ST6GALNAC6: variants seen among roughly 807,000 people sequenced by gnomAD.
ST6GALNAC6 encodes alpha-N-acetylgalactosaminide alpha-2,6-sialyltransferase 6.
ST6GALNAC6 carries 19 observed loss-of-function variants against 34.3 expected under a neutral mutation model. The ratio of observed to expected loss-of-function variants is 0.55; its 90% CI spans 0.39 to 0.81. The LOEUF is 0.81. Ranked by LOEUF, ST6GALNAC6 falls within the 40% of genes least tolerant of loss-of-function variation. ST6GALNAC6 has a pLI of 0.00. For synonymous variants in ST6GALNAC6, 185 were observed against 182.1 expected (o/e 1.02, Z -0.13); for missense variants, 377 against 467.7 (o/e 0.81, Z 1.79).
Position 127,896,257 on chromosome 9 carries a change from T to C in ST6GALNAC6, c.102A>G (p.Glu34=), listed in dbSNP as rs199750930. 15 of 1,614,118 alleles carry C rather than the reference T, an allele frequency of 9.3e-6. No individual in the cohort carries two copies. The highest frequency in any genetic ancestry group is 1.3e-5 in the African/African-American group (1 of 75,048). Residue 34 remains glutamate (E), a synonymous_variant, in exon 3 of 7, where the codon GAA becomes GAG. Transcript: ENST00000373146. The part of the protein sequence containing the change: ...RHLPLSRRRR[E]MSSNKEQRSA... ...GCAGACTTACTTTGTTGCTACTCAT[T>C]TCTCTCCGGCGTCTGCTGAGGGGTA...
chr9:127,899,469 CCCCGCGGCCTGCT>C (rs1749649333), intron 1 of ST6GALNAC6, 21 bp downstream of exon 1: 2 of 946,568 alleles, frequency 2.1e-6, no homozygotes, highest in Non-Finnish European at 2.5e-6. Context: ...CCGCCCCCGC[CCCCGCGGCCTGCT>C]CCCGCGCGGC....
In ST6GALNAC6 at chr9:127,885,445, C is replaced by G. The variant is rs1829703216; in HGVS notation, c.*1154G>C. 6.6e-6 allele frequency: 1 copy of G among 152,628 alleles called. No individual in the cohort carries two copies. Among genetic ancestry groups the G allele is most frequent in the Non-Finnish European group, 1.5e-5 (1 of 68,364 alleles). The allele number at this position is 152,628 out of a possible 1,614,324, so 9.5% of individuals were successfully genotyped here. Reference sequence around the variant, plus strand: ...GCTGGCCTCCTCCATCTGGTCCCTCCAGCCTCACAGCCTCCTCCTGAAGCC... The same window carrying G: ...GCTGGCCTCCTCCATCTGGTCCCTCGAGCCTCACAGCCTCCTCCTGAAGCC... On this transcript the variant is annotated 3_prime_UTR_variant, in exon 7 of 7. Transcript: ENST00000373146.
At chr9:127,900,232 G>A (rs940460207), upstream of ST6GALNAC6, among the ~76,000 whole-genome samples, 1 of 152,234 alleles carries the variant, frequency 6.6e-6, no homozygotes, top group South Asian at 2.1e-4. Flanking sequence ...TTAAGGCACA[G>A]CCTGCCGAAG....
At chr9:127,891,414 G>T (rs142767967) in intron 4 of ST6GALNAC6, among the ~76,000 whole-genome samples, 12 of 151,850 alleles carry the variant, frequency 7.9e-5, no homozygotes, top group African/African-American at 2.7e-4. Context: ...TCAGAAGTTC[G>T]AGACCAGCCT....
At position 127,894,630 on chromosome 9, in the gene ST6GALNAC6, CT is replaced by C; in HGVS notation, c.178del (p.Ser60AlafsTer50). The C allele has an allele frequency of 6.2e-7, 1 of 1,614,170 alleles. No individual in the cohort carries two copies. The highest frequency in any genetic ancestry group is 8.5e-7 in the Non-Finnish European group (1 of 1,180,026). ...GAAGACCTCATTGGCACTGTTGGAG[CT>C]GTAGAGGATGAGGATGGTGATGAGG... ...FALITILILY[S>X]SNSANEVFHY... is the part of the protein sequence containing the mutation. On this transcript the variant is annotated frameshift_variant, in exon 4 of 7. Transcript: ENST00000373146. LOFTEE classifies it high-confidence loss of function.
intron 6 of ST6GALNAC6, among the ~76,000 whole-genome samples, chr9:127,887,153 T>C (rs933230606): frequency 3.3e-5 from 5 of 152,110 alleles, no homozygotes; most frequent in African/African-American, 1.2e-4. Context: ...ACAGTTCTTA[T>C]CCCGTAAGGT....
chr9:127,898,046 G>A, intron 1 of ST6GALNAC6, 36 bp from the exon 2 acceptor site: 1 of 1,054,846 alleles, frequency 9.5e-7, no homozygotes, highest in Non-Finnish European at 1.4e-6. Context: ...GGTAACTCAA[G>A]GGGTTGTTGG....
At chr9:127,905,397 C>T (rs900217288), upstream of ST6GALNAC6, 4 of 985,576 alleles carry the variant, frequency 4.1e-6, no homozygotes, top group Middle Eastern at 5.2e-4. Flanking sequence ...TTTGGGCCAA[C>T]CCAGCAGTAA....
intron 6 of ST6GALNAC6, 100 bp downstream of exon 6, chr9:127,887,384 C>T: frequency 2.1e-6 from 2 of 955,996 alleles, no homozygotes; most frequent in South Asian, 1.4e-5. Context: ...AGCAGAGGCC[C>T]TCAAAGGCAC....
intron 5 of ST6GALNAC6, among the ~76,000 whole-genome samples, chr9:127,888,968 T>C (rs552333448): frequency 3.9e-4 from 59 of 152,264 alleles, no homozygotes; most frequent in African/African-American, 1.4e-3. Flanking sequence ...GAAATAGGCA[T>C]ACAGATTAGA....
upstream of ST6GALNAC6, among the ~76,000 whole-genome samples, chr9:127,899,985 C>T (rs1830693101): frequency 1.3e-5 from 2 of 152,230 alleles, no homozygotes; most frequent in East Asian, 1.9e-4. Context: ...CCTGTAGTCA[C>T]CTGGGCAAAC....
At chr9:127,905,272 C>A in exon 1 of ST6GALNAC6, 4 of 985,586 alleles carry the variant, frequency 4.1e-6, no homozygotes, top group Non-Finnish European at 4.8e-6. Context: ...ATCAAGACAG[C>A]CTTCAGTAGA....
At chr9:127,889,605 A>C (rs548551742) in intron 5 of ST6GALNAC6, among the ~76,000 whole-genome samples, 5 of 151,924 alleles carry the variant, frequency 3.3e-5, no homozygotes, top group Admixed American at 6.6e-5. Context: ...CACCACGCCC[A>C]GCTAATTTTT....
chr9:127,900,748 T>TA (rs1830722715), upstream of ST6GALNAC6, among the ~76,000 whole-genome samples: 1 of 151,198 alleles, frequency 6.6e-6, no homozygotes, highest in African/African-American at 2.4e-5. Context: ...GGTCAGGAGT[T>TA]AGAGACCAGC....
At chr9:127,891,918 GA>G (rs1327531296) in intron 4 of ST6GALNAC6, among the ~76,000 whole-genome samples, 2 of 152,052 alleles carry the variant, frequency 1.3e-5, no homozygotes, top group African/African-American at 2.4e-5. Flanking sequence ...TTGGGAGGCT[GA>G]GGTGGGCGGA....
upstream of ST6GALNAC6, among the ~76,000 whole-genome samples, chr9:127,900,991 C>CAAAAAAAAAAAAAAAAA (rs56673204): frequency 3.8e-4 from 23 of 61,002 alleles, no homozygotes; most frequent in East Asian, 3.1e-3. Context: ...AACTCCCTAT[C>CAAAAAAAAAAAAAAAAA]AAAAAAAAAA....
At chr9:127,897,167 C>T (rs911046313) in intron 2 of ST6GALNAC6, 3 of 985,484 alleles carry the variant, frequency 3.0e-6, no homozygotes, top group African/African-American at 3.5e-5. Flanking sequence ...CTTCCTCTCC[C>T]ACAACCAAAA....
At chr9:127,903,845 T>A (rs1487353494), upstream of ST6GALNAC6, 1 of 152,046 alleles carries the variant, frequency 6.6e-6, no homozygotes, top group African/African-American at 2.4e-5. Flanking sequence ...GAGGGAAACA[T>A]CCTGTCCCCA....
rs1830344052 is a variant in ST6GALNAC6, at chr9:127,894,690, T to C, written c.119A>G (p.Glu40Gly). Reference protein sequence around the residue: ...RRRREMSSNKEQRSAVFVILF... With the variant: ...RRRREMSSNKGQRSAVFVILF... ...GATCACGAACACTGCTGACCGCTGC[T>C]CCTGGAGAGAGGAGAGGTCAGTGAG... Residue 40 changes from glutamate to glycine, a missense_variant and splice_region_variant, in exon 4 of 7, where the codon GAG becomes GGG. Physicochemically the swap from Glu to Gly is moderately conservative, Grantham distance 98. Transcript: ENST00000373146. The C allele has an allele frequency of 6.2e-7, 1 of 1,613,584 alleles. No homozygotes were observed. Among genetic ancestry groups the C allele is most frequent in the Non-Finnish European group, 8.5e-7 (1 of 1,179,714 alleles).
Sources: allele counts gnomAD v4.1 joint callset (sites outside exome capture counted in the v4.1 genomes callset), GRCh38; gene constraint gnomAD v4.1.1; transcripts MANE v1.5; gene names NCBI Gene and HGNC (gene_info 2026-07-23, HGNC 2026-07-21).